Variants in HHIPL2 observed in about 807,000 individuals in gnomAD.
The protein encoded by HHIPL2 is HHIP like 2, also known as HHIP-like protein 2.
Under a neutral mutation model 61.0 loss-of-function variants are expected in HHIPL2, and 61 were observed. The observed-to-expected ratio is 1.00, with a 90% CI of 0.81 to 1.24. The LOEUF (loss-of-function observed/expected upper bound fraction) is 1.24. Among genes scored for constraint, HHIPL2 ranks in the 50% most tolerant of loss-of-function variants. The probability of loss-of-function intolerance (pLI) is 0.00; values close to 1 mark genes in which losing one functional copy is unlikely to be tolerated. For synonymous variants in HHIPL2, 343 were observed against 357.4 expected (o/e 0.96, Z 0.45); for missense variants, 885 against 910.2 (o/e 0.97, Z 0.36).
At position 222,522,979 on chromosome 1, in the gene HHIPL2, A is replaced by G. The variant is rs1326995970; in HGVS notation, c.1889-92T>C. 6 of 1,031,000 alleles carry G rather than the reference A, an allele frequency of 5.8e-6. No homozygotes were observed. In the Admixed American group the frequency reaches 1.4e-4, roughly 23 times the overall value. 63.9% of individuals were successfully genotyped at this position (1,031,000 alleles called of 1,614,324 possible). Reference sequence around the variant, plus strand: ...AACTGCATTATAGTTCTTTAATATAAATTATTCTTATTAATACTTTTAATT... The same window carrying G: ...AACTGCATTATAGTTCTTTAATATAGATTATTCTTATTAATACTTTTAATT... On this transcript the variant is annotated intron_variant, in intron 8 of 8. Coordinates refer to ENST00000343410, the MANE Select transcript of HHIPL2 (RefSeq NM_024746.4).
rs772713730 is a variant in HHIPL2, at chr1:222,522,836, G to A, written c.1940C>T (p.Ser647Phe). The A allele has an allele frequency of 1.2e-6, 2 of 1,614,204 alleles. No individual in the cohort carries two copies. Among genetic ancestry groups the A allele is most frequent in the Non-Finnish European group, 1.7e-6 (2 of 1,180,032 alleles). ...KEQSEKAARK[S>F]SSATLASGPA... ...GCCAGAAGCTAAGGTTGCACTGGAA[G>A]ATTTTCTAGCAGCTTTCTCTGATTG... The change falls in exon 9 of 9, where the codon TCT becomes TTT. Residue 647 changes from serine to phenylalanine, a missense_variant. Coordinates refer to ENST00000343410, the MANE Select transcript of HHIPL2 (RefSeq NM_024746.4).
chr1:222,524,684 GA>G, intron 7 of HHIPL2, among the ~76,000 whole-genome samples: 1 of 152,222 alleles, frequency 6.6e-6, no homozygotes, highest in Non-Finnish European at 1.5e-5. Context: ...AGGGTAGGAG[GA>G]AAAAATGGGA....
chr1:222,531,873 T>G (rs1333801642), intron 6 of HHIPL2, 93 bp downstream of exon 6: 6 of 1,136,582 alleles, frequency 5.3e-6, no homozygotes, highest in Non-Finnish European at 7.5e-6. Flanking sequence ...ATAGTAGAAG[T>G]GATAATTACT....
At chr1:222,531,581 C>A (rs916245875) in intron 6 of HHIPL2, among the ~76,000 whole-genome samples, 1 of 151,992 alleles carries the variant, frequency 6.6e-6, no homozygotes, top group Non-Finnish European at 1.5e-5. Context: ...AACCCCGTCT[C>A]TACTAAAAAT....
rs552143908 is a variant in HHIPL2, at chr1:222,523,962, C to T, written c.1806-268G>A. 3 of 456,574 alleles carry T rather than the reference C, an allele frequency of 6.6e-6. No homozygotes were observed. In the East Asian group the frequency reaches 1.2e-4, roughly 18 times the overall value. 28.3% of individuals were successfully genotyped at this position (456,574 alleles called of 1,614,324 possible). A position where few individuals can be genotyped will look rare whatever the true frequency, so the allele number is the denominator to read the frequency against. On this transcript the variant is annotated intron_variant, in intron 7 of 8. Transcript: ENST00000343410. ...GGTGGCAGTCAAAACGGGTTCACAT[C>T]CTGGTAACCAGGGGCAAAAAACCTT... is the stretch of plus-strand genomic sequence containing the variant.
chr1:222,536,993 C>T (rs1324014167), intron 5 of HHIPL2, among the ~76,000 whole-genome samples: 1 of 152,018 alleles, frequency 6.6e-6, no homozygotes, highest in Non-Finnish European at 1.5e-5. Flanking sequence ...GAGCTATGAT[C>T]GTGCCATTGC....
chr1:222,523,628 C>T lies in HHIPL2; in HGVS notation c.1872G>A (p.Pro624=), dbSNP rs749643311. Residue 624 remains proline (P), a synonymous_variant, in exon 8 of 9, where the codon CCG becomes CCA. Transcript: ENST00000343410. The part of the protein sequence containing the change: ...VPVRTKSKRI[P]FRPLAKTVLD... ...TGGACTCACTGGCGAGTGGTCTGAA[C>T]GGGATCCGCTTACTCTTGGTTCTCA... 92 of 1,614,030 alleles carry T rather than the reference C, an allele frequency of 5.7e-5. No individual in the cohort carries two copies. The highest frequency in any genetic ancestry group is 1.3e-4 in the East Asian group (6 of 44,896).
Position 222,540,227 on chromosome 1 carries a change from G to A in HHIPL2, c.1233C>T (p.Pro411=), listed in dbSNP as rs979592834. 3.1e-6 allele frequency: 5 copies of A among 1,614,152 alleles called. No individual in the cohort carries two copies. The highest frequency in any genetic ancestry group is 2.2e-5 in the East Asian group (1 of 44,900). ...NPFVSEPGAH[P]AIYAYGIRNM... ...TCCTGATCCCATAGGCATAGATGGCGGGGTGGGCCCCTGGCTCAGAAACAA... is the reference window on the plus strand; with the variant it reads ...TCCTGATCCCATAGGCATAGATGGCAGGGTGGGCCCCTGGCTCAGAAACAA... Residue 411 remains proline, a synonymous_variant, in exon 4 of 9, where the codon CCC becomes CCT. Transcript: ENST00000343410.
At chr1:222,533,930 C>T (rs1659244908) in intron 5 of HHIPL2, among the ~76,000 whole-genome samples, 1 of 152,036 alleles carries the variant, frequency 6.6e-6, no homozygotes, top group Non-Finnish European at 1.5e-5. Context: ...AAAAGGTTCC[C>T]CTGAAGTAAT....
At chr1:222,525,742 T>C (rs1659049453) in intron 7 of HHIPL2, among the ~76,000 whole-genome samples, 1 of 152,174 alleles carries the variant, frequency 6.6e-6, no homozygotes, top group African/African-American at 2.4e-5. Context: ...CACACACCTG[T>C]AATCCCAGCA....
In HHIPL2 at chr1:222,543,982, T is replaced by G. The variant is rs774898632; in HGVS notation, c.529A>C (p.Lys177Gln). The G allele has an allele frequency of 6.2e-7, 1 of 1,614,032 alleles. No homozygotes were observed. Among genetic ancestry groups the G allele is most frequent in the Non-Finnish European group, 8.5e-7 (1 of 1,180,022 alleles). ...RFCHLLDLPD[K>Q]DYCFPNVLRN... ...AGGACATTAGGGAAGCAATAGTCCT[T>G]GTCAGGAAGGTCCAGGAGGTGGCAG... Residue 177 changes from lysine to glutamine, a missense_variant, in exon 2 of 9, where the codon AAG becomes CAG. By Grantham distance (53) the Lys-to-Gln change is moderately conservative. Transcript: ENST00000343410.
intron 8 of HHIPL2, among the ~76,000 whole-genome samples, chr1:222,523,178 C>A (rs1244682218): frequency 6.6e-6 from 1 of 152,112 alleles, no homozygotes; most frequent in Non-Finnish European, 1.5e-5. Flanking sequence ...GTGCCCTGAG[C>A]ATCCTTCTAT....
intron 5 of HHIPL2, among the ~76,000 whole-genome samples, chr1:222,532,967 G>T (rs1227265147): frequency 1.3e-5 from 2 of 152,178 alleles, no homozygotes; most frequent in Non-Finnish European, 2.9e-5. Flanking sequence ...AAAAGGGAAA[G>T]GAAGTTGGTT....
chr1:222,530,461 T>C (rs1471410322), intron 6 of HHIPL2, among the ~76,000 whole-genome samples: 3 of 152,232 alleles, frequency 2.0e-5, no homozygotes, highest in Non-Finnish European at 4.4e-5. Context: ...TGTTTGGACT[T>C]CCAATTTGGA....
In HHIPL2 at chr1:222,540,232, G is replaced by A. The variant is rs757898491; in HGVS notation, c.1228C>T (p.His410Tyr). ...ATCCCATAGGCATAGATGGCGGGGT[G>A]GGCCCCTGGCTCAGAAACAAATGGA... ...DNPFVSEPGA[H>Y]PAIYAYGIRN... The change falls in exon 4 of 9, where the codon CAC becomes TAC. Residue 410 changes from histidine to tyrosine, a missense_variant. Transcript: ENST00000343410. The A allele has an allele frequency of 6.8e-6, 11 of 1,614,142 alleles. No individual in the cohort carries two copies. The highest frequency in any genetic ancestry group is 1.7e-5 in the Admixed American group (1 of 60,012).
chr1:222,532,968 G>C (rs372934081), intron 5 of HHIPL2, among the ~76,000 whole-genome samples: 1 of 152,186 alleles, frequency 6.6e-6, no homozygotes, highest in South Asian at 2.1e-4. Flanking sequence ...AAAGGGAAAG[G>C]AAGTTGGTTA....
chr1:222,523,035 T>A, intron 8 of HHIPL2, 148 bp from the exon 9 acceptor site: 1 of 647,402 alleles, frequency 1.5e-6, no homozygotes, highest in Non-Finnish European at 2.5e-6. Context: ...AATATATGAC[T>A]TTTTTAGAAG....
intron 4 of HHIPL2, among the ~76,000 whole-genome samples, chr1:222,539,544 A>G (rs1451670680): frequency 1.2e-4 from 18 of 149,842 alleles, no homozygotes; most frequent in South Asian, 6.3e-4. Context: ...AAAAAAAAAA[A>G]AAAAAGAAAG....
chr1:222,529,960 A>C (rs1659153394), intron 6 of HHIPL2, among the ~76,000 whole-genome samples: 1 of 152,228 alleles, frequency 6.6e-6, no homozygotes, highest in Non-Finnish European at 1.5e-5. Context: ...AGAGGAAAAG[A>C]ATATGGCAAG....
Sources: gnomAD v4.1 joint callset for allele counts (sites outside exome capture counted in the v4.1 genomes callset) on GRCh38, gnomAD v4.1.1 for gene constraint, MANE v1.5 for transcripts, NCBI Gene and HGNC (gene_info 2026-07-23, HGNC 2026-07-21) for gene names.